FBXL5: variants seen among roughly 807,000 people sequenced by gnomAD.
FBXL5 encodes F-box and leucine rich repeat protein 5, also known as F-box/LRR-repeat protein 5.
FBXL5 carries 26 observed loss-of-function variants against 78.3 expected under a neutral mutation model. The observed-to-expected ratio is 0.33, with a 90% CI of 0.24 to 0.46. FBXL5 has a LOEUF of 0.46. Ranked by LOEUF, FBXL5 falls within the 20% of genes least tolerant of loss-of-function variation. The probability of loss-of-function intolerance (pLI) is 1.00; values close to 1 mark genes in which losing one functional copy is unlikely to be tolerated. For synonymous variants in FBXL5, 295 were observed against 282.5 expected, an observed-to-expected ratio of 1.04 and a Z score of -0.45; for missense variants, 710 against 829.2, an observed-to-expected ratio of 0.86 and a Z score of 1.77.
chr4:15,665,159 T>C lies in FBXL5; in HGVS notation c.-283-5237A>G, dbSNP rs200357320. Among the ~76,000 whole-genome samples, 9 of 152,340 alleles carry C rather than the reference T, an allele frequency of 5.9e-5. No homozygotes were observed. The East Asian group carries it at 1.7e-3, about 29-fold the overall frequency. ...AACCTCTATTTTCAGGTAGCCATTA[T>C]GAGCTTAGCTGCCAATGTAGGAAAG... On this transcript the variant is annotated intron_variant, in intron 1 of 4. Coordinates refer to the FBXL5 transcript ENST00000507899.
intron 1 of FBXL5, among the ~76,000 whole-genome samples, chr4:15,673,449 T>A (rs1278925299): frequency 6.6e-6 from 1 of 151,668 alleles, no homozygotes; most frequent in Admixed American, 6.6e-5. Context: ...TCAAAAAAAA[T>A]AAAGATAAAA....
chr4:15,646,378 A>T (rs1053743957), intron 1 of FBXL5, among the ~76,000 whole-genome samples: 2 of 139,746 alleles, frequency 1.4e-5, no homozygotes, highest in East Asian at 4.1e-4. Context: ...ATTTTTTTTT[A>T]AATCATAAGA....
At chr4:15,616,400 A>T (rs1326469032) in intron 9 of FBXL5, among the ~76,000 whole-genome samples, 1 of 100,218 alleles carries the variant, frequency 1.0e-5, no homozygotes, top group Non-Finnish European at 2.2e-5. Context: ...CAACAGCACC[A>T]TGCCCCCTCA....
upstream of FBXL5, among the ~76,000 whole-genome samples, chr4:15,656,652 T>A (rs1716977721): frequency 6.6e-6 from 1 of 152,244 alleles, no homozygotes; most frequent in Admixed American, 6.5e-5. Flanking sequence ...GAAGTTAAGA[T>A]TCCTGGTTTT....
chr4:15,655,239 GC>G lies in FBXL5; in HGVS notation c.48del (p.Trp16CysfsTer3). The G allele has an allele frequency of 6.9e-7, 1 of 1,440,288 alleles. No individual in the cohort carries two copies. Among genetic ancestry groups the G allele is most frequent in the Non-Finnish European group, 9.3e-7 (1 of 1,076,900 alleles). The allele number at this position is 1,440,288 out of a possible 1,614,324, so 89.2% of individuals were successfully genotyped here. Reference sequence around the variant, plus strand: ...TAGAGCCCCACCAGCTGCTTCATCCGCCAGTGTGGGGCGGTGAAGACGTCCA... The same window carrying G: ...TAGAGCCCCACCAGCTGCTTCATCCGCAGTGTGGGGCGGTGAAGACGTCCA... ...EEVDVFTAPH[W>X]RMKQLVGLYC... On this transcript the variant is annotated frameshift_variant, in exon 1 of 11. Transcript: ENST00000341285. LOFTEE classifies it high-confidence loss of function.
chr4:15,639,705 C>G (rs1365132528), intron 3 of FBXL5, among the ~76,000 whole-genome samples: 3 of 152,276 alleles, frequency 2.0e-5, no homozygotes, highest in Non-Finnish European at 1.5e-5. Flanking sequence ...CTGTATATTA[C>G]AATGAGTTGG....
intron 1 of FBXL5, among the ~76,000 whole-genome samples, chr4:15,644,988 A>G (rs749099803): frequency 6.6e-6 from 1 of 152,264 alleles, no homozygotes; most frequent in Non-Finnish European, 1.5e-5. Flanking sequence ...AGATTAAACC[A>G]GGCCCCTTCT....
intron 4 of FBXL5, among the ~76,000 whole-genome samples, chr4:15,637,759 C>T (rs898842218): frequency 6.6e-6 from 1 of 152,088 alleles, no homozygotes; most frequent in African/African-American, 2.4e-5. Context: ...TTTCAACATG[C>T]ATTTCACCTA....
At chr4:15,628,600 A>G (rs567690778) in intron 6 of FBXL5, among the ~76,000 whole-genome samples, 2 of 152,310 alleles carry the variant, frequency 1.3e-5, no homozygotes, top group Admixed American at 6.5e-5. Flanking sequence ...ATTCTTACCT[A>G]AAGACCAATT....
intron 3 of FBXL5, among the ~76,000 whole-genome samples, chr4:15,639,887 A>T (rs1302447457): frequency 6.6e-6 from 1 of 152,380 alleles, no homozygotes; most frequent in East Asian, 1.9e-4. Context: ...ACTGATTTAC[A>T]GCTGAACAGG....
intron 8 of FBXL5, among the ~76,000 whole-genome samples, chr4:15,626,195 G>A (rs1160585302): frequency 6.6e-6 from 1 of 152,160 alleles, no homozygotes; most frequent in Non-Finnish European, 1.5e-5. Context: ...TAACCTAACA[G>A]AAGGGTAGGA....
chr4:15,633,120 G>A (rs1182126290), intron 5 of FBXL5, among the ~76,000 whole-genome samples: 2 of 152,180 alleles, frequency 1.3e-5, no homozygotes. Flanking sequence ...AACTATGACA[G>A]GTGGGTTCGA....
chr4:15,674,244 T>C (rs1004125439), intron 1 of FBXL5, among the ~76,000 whole-genome samples: 1 of 151,376 alleles, frequency 6.6e-6, no homozygotes, highest in Non-Finnish European at 1.5e-5. Flanking sequence ...TATGTCATAA[T>C]GATGTATCAT....
chr4:15,655,414 G>A (rs1716786665), upstream of FBXL5: 20 of 1,003,876 alleles, frequency 2.0e-5, no homozygotes, highest in Non-Finnish European at 2.3e-5. Context: ...GCGCCCGGTC[G>A]GCTTGGCCGG....
chr4:15,679,296 C>T (rs1718111497), intron 1 of FBXL5, among the ~76,000 whole-genome samples: 1 of 152,078 alleles, frequency 6.6e-6, no homozygotes, highest in East Asian at 1.9e-4. Flanking sequence ...TCATGATCCA[C>T]CCGCTTCGGC....
At chr4:15,671,169 C>G (rs1717749449) in intron 1 of FBXL5, among the ~76,000 whole-genome samples, 1 of 151,878 alleles carries the variant, frequency 6.6e-6, no homozygotes, top group Admixed American at 6.6e-5. Context: ...AGTGATTTGC[C>G]AGCTTCAGCC....
In FBXL5 at chr4:15,616,755, T is replaced by C. The variant is rs147122634; in HGVS notation, c.1851-4341A>G. Among the ~76,000 whole-genome samples, 10 of 152,296 alleles carry C rather than the reference T, an allele frequency of 6.6e-5. No homozygotes were observed. In the East Asian group the frequency reaches 1.5e-3, roughly 24 times the overall value. ...CTCCCCACTGCTTCCTCTACCCCTG[T>C]ATTTTGCCCGGCTCTCTAAATTCAT... On this transcript the variant is annotated intron_variant, in intron 9 of 10. Coordinates refer to ENST00000341285, the MANE Select transcript of FBXL5 (RefSeq NM_012161.4).
chr4:15,634,015 T>C (rs1039368913), intron 5 of FBXL5, among the ~76,000 whole-genome samples: 3 of 152,096 alleles, frequency 2.0e-5, no homozygotes, highest in Non-Finnish European at 2.9e-5. Context: ...TATAGGGTGC[T>C]TAGCAACAAC....
intron 5 of FBXL5, among the ~76,000 whole-genome samples, chr4:15,631,225 T>C (rs533845954): frequency 3.3e-5 from 5 of 152,356 alleles, no homozygotes; most frequent in Non-Finnish European, 5.9e-5. Context: ...GCTTCATCCA[T>C]GTCCCTGCAA....
Sources: gnomAD v4.1 joint callset for allele counts (sites outside exome capture counted in the v4.1 genomes callset) on GRCh38, gnomAD v4.1.1 for gene constraint, MANE v1.5 for transcripts, NCBI Gene and HGNC (gene_info 2026-07-23, HGNC 2026-07-21) for gene names.